The following COPG2 variants were observed in gnomAD, a reference collection of about 807,000 sequenced individuals.
COPG2 encodes the protein coat protein complex I subunit gamma 2.
COPG2 carries 37 observed loss-of-function variants against 46.3 expected under a neutral mutation model. The ratio of observed to expected loss-of-function variants is 0.80; its 90% confidence interval spans 0.61 to 1.05. The LOEUF (loss-of-function observed/expected upper bound fraction) is 1.05, where lower values mean the gene tolerates loss of function less well. COPG2 is among the 50% of genes least tolerant of loss of function. COPG2 has a pLI of 0.00. For missense variants in COPG2, 427 were observed against 387.8 expected (o/e 1.10, Z -0.85); for synonymous variants, 159 against 129.7 (o/e 1.23, Z -1.53).
chr7:130,532,489 A>T (rs1423480498), intron 20 of COPG2, among the ~76,000 whole-genome samples: 7 of 151,908 alleles, frequency 4.6e-5, no homozygotes, highest in African/African-American at 1.7e-4. Flanking sequence ...AGGAGCACCC[A>T]GGTGGAGCGG....
intron 5 of COPG2, among the ~76,000 whole-genome samples, chr7:130,642,026 A>G (rs561352999): frequency 6.6e-6 from 1 of 152,322 alleles, no homozygotes; most frequent in South Asian, 2.1e-4. Context: ...AATGTGAGTG[A>G]TGGATCATTC....
At chr7:130,616,862 C>T (rs1794958832) in intron 6 of COPG2, 128 bp downstream of exon 6, 1 of 553,930 alleles carries the variant, frequency 1.8e-6, no homozygotes, top group Non-Finnish European at 3.2e-6. Flanking sequence ...AAAAGCCTTT[C>T]TGGTGATCAT....
chr7:130,518,833 G>A (rs994489800), intron 20 of COPG2, among the ~76,000 whole-genome samples: 2 of 151,840 alleles, frequency 1.3e-5, no homozygotes, highest in Admixed American at 1.3e-4. Context: ...GAGAAACCCC[G>A]TCTCTACTAA....
intron 20 of COPG2, among the ~76,000 whole-genome samples, chr7:130,527,376 T>G (rs1413608547): frequency 1.4e-5 from 2 of 146,826 alleles, no homozygotes; most frequent in Admixed American, 1.4e-4. Context: ...TAGCTGGAAC[T>G]GCAAAGTAAT....
chr7:130,572,454 A>C (rs1793923349), intron 9 of COPG2, among the ~76,000 whole-genome samples: 3 of 152,162 alleles, frequency 2.0e-5, no homozygotes, highest in Admixed American at 2.0e-4. Context: ...GAACGAATTA[A>C]ATACCAAGTC....
rs990763350 is a variant in COPG2, at chr7:130,522,470, G to A, written c.2150-13811C>T. On this transcript the variant is annotated intron_variant, in intron 20 of 23. Transcript: ENST00000425248. The stretch of plus-strand genomic sequence containing the variant: ...GAACAGAAAATATTGTACGGGTGTG[G>A]AAGCTATCAGGCCGATACGAAGGGG... 6.6e-5 allele frequency among the ~76,000 whole-genome samples: 10 copies of A among 152,222 alleles called. No homozygotes were observed. The East Asian group carries it at 1.9e-3, about 30-fold the overall frequency.
chr7:130,552,046 A>G (rs1793540497), intron 15 of COPG2, among the ~76,000 whole-genome samples: 1 of 152,210 alleles, frequency 6.6e-6, no homozygotes, highest in Non-Finnish European at 1.5e-5. Context: ...TGGAGAACTA[A>G]TATTTTAGGG....
intron 20 of COPG2, among the ~76,000 whole-genome samples, chr7:130,525,768 T>C (rs1239551393): frequency 6.6e-6 from 1 of 152,120 alleles, no homozygotes; most frequent in South Asian, 2.1e-4. Context: ...GGACAGAGTA[T>C]GGCCAAGGAC....
chr7:130,583,061 A>C (rs566879252), intron 9 of COPG2, among the ~76,000 whole-genome samples: 20,681 of 150,716 alleles, frequency 0.14, 2,538 homozygotes, highest in African/African-American at 0.32. Context: ...TGTTTATTGC[A>C]GCATTATTCA....
intron 20 of COPG2, among the ~76,000 whole-genome samples, chr7:130,527,036 G>A (rs1057290391): frequency 2.0e-5 from 3 of 151,764 alleles, no homozygotes; most frequent in African/African-American, 4.8e-5. Flanking sequence ...TTGACTACTG[G>A]GGGTGATGGA....
At chr7:130,508,723 C>T in intron 20 of COPG2, 64 bp from the exon 21 acceptor site, 1 of 704,318 alleles carries the variant, frequency 1.4e-6, no homozygotes, top group Middle Eastern at 2.4e-4. Context: ...TCCATCATTC[C>T]ATCTGTACTC....
chr7:130,604,279 G>A (rs1554450893), intron 9 of COPG2, among the ~76,000 whole-genome samples: 1 of 152,142 alleles, frequency 6.6e-6, no homozygotes, highest in African/African-American at 2.4e-5. Context: ...TTAGGGGTTT[G>A]TGGAATCCAT....
At position 130,506,520 on chromosome 7, in the gene COPG2, G is replaced by T; in HGVS notation, c.*156C>A. ...AAAAAACAACCCATGCGCAAAGATAGACATTTGCTTGATCTGCTGGCTCAG... is the reference window on the plus strand; with the variant it reads ...AAAAAACAACCCATGCGCAAAGATATACATTTGCTTGATCTGCTGGCTCAG... On this transcript the variant is annotated 3_prime_UTR_variant, in exon 24 of 24. Transcript: ENST00000425248. 7 of 444,904 alleles carry T rather than the reference G, an allele frequency of 1.6e-5. No homozygotes were observed. Among genetic ancestry groups the T allele is most frequent in the Non-Finnish European group, 1.2e-5 (3 of 250,542 alleles). 27.6% of individuals were successfully genotyped at this position (444,904 alleles called of 1,614,324 possible).
At chr7:130,645,050 G>C (rs1212386047) in intron 5 of COPG2, among the ~76,000 whole-genome samples, 7 of 141,260 alleles carry the variant, frequency 5.0e-5, no homozygotes, top group Non-Finnish European at 9.0e-5. Context: ...GGACAAGAGC[G>C]AGACTTCATC....
chr7:130,509,834 G>T, intron 20 of COPG2: 1 of 502,526 alleles, frequency 2.0e-6, no homozygotes. Flanking sequence ...GTGAGGGTGC[G>T]GGATTAACAA....
chr7:130,611,726 G>T (rs569802021), intron 8 of COPG2, among the ~76,000 whole-genome samples: 1 of 152,074 alleles, frequency 6.6e-6, no homozygotes, highest in Admixed American at 6.5e-5. Context: ...TTCCTCTTAA[G>T]AATAACCTAA....
intron 5 of COPG2, among the ~76,000 whole-genome samples, chr7:130,623,141 G>A (rs1240602367): frequency 6.6e-6 from 1 of 152,134 alleles, no homozygotes; most frequent in Non-Finnish European, 1.5e-5. Flanking sequence ...ATATAATCCT[G>A]AAGTGTGGGG....
intron 20 of COPG2, among the ~76,000 whole-genome samples, chr7:130,522,316 A>G (rs901406001): frequency 2.0e-5 from 3 of 152,244 alleles, no homozygotes; most frequent in Non-Finnish European, 2.9e-5. Flanking sequence ...TGAAAATACT[A>G]TAGTACAGTA....
intron 20 of COPG2, among the ~76,000 whole-genome samples, chr7:130,534,916 G>C (rs1799863738): frequency 6.6e-6 from 1 of 152,154 alleles, no homozygotes; most frequent in African/African-American, 2.4e-5. Flanking sequence ...AGTTTTGTAG[G>C]AACTCACTTC....
Sources: gnomAD v4.1 joint callset for allele counts (sites outside exome capture counted in the v4.1 genomes callset) on GRCh38, gnomAD v4.1.1 for gene constraint, MANE v1.5 for transcripts, NCBI Gene and HGNC (gene_info 2026-07-23, HGNC 2026-07-21) for gene names.